Variants in RAB31 observed in about 807,000 individuals in gnomAD.
RAB31 encodes ras-related protein Rab-31.
A neutral mutation model predicts 25.6 loss-of-function variants in RAB31; 21 were observed. That is an observed-to-expected ratio of 0.82 (90% confidence interval 0.58 to 1.18). The LOEUF (loss-of-function observed/expected upper bound fraction) is 1.18. Among genes scored for constraint, RAB31 ranks in the 50% most tolerant of loss-of-function variants. The pLI is 0.00. For missense variants in RAB31, 196 were observed against 250.1 expected, an observed-to-expected ratio of 0.78 and a Z score of 1.46; for synonymous variants, 87 against 84.0, an observed-to-expected ratio of 1.04 and a Z score of -0.20.
chr18:9,842,311 C>T (rs2068738647), intron 5 of RAB31, among the ~76,000 whole-genome samples: 1 of 152,164 alleles, frequency 6.6e-6, no homozygotes, highest in Non-Finnish European at 1.5e-5. Context: ...GTGGTTGATT[C>T]CTCCAGCAAC....
intron 5 of RAB31, among the ~76,000 whole-genome samples, chr18:9,819,969 G>T (rs912357250): frequency 1.4e-4 from 22 of 151,860 alleles, no homozygotes; most frequent in African/African-American, 4.6e-4. Context: ...AAATTATCTG[G>T]AGTTTTCTAT....
At chr18:9,833,195 G>A (rs1429093700) in intron 5 of RAB31, among the ~76,000 whole-genome samples, 1 of 152,254 alleles carries the variant, frequency 6.6e-6, no homozygotes, top group Non-Finnish European at 1.5e-5. Context: ...CCGGATGGCT[G>A]CTGTATCCAC....
intron 1 of RAB31, among the ~76,000 whole-genome samples, chr18:9,743,646 G>A (rs932718876): frequency 2.0e-5 from 3 of 152,154 alleles, no homozygotes; most frequent in Non-Finnish European, 4.4e-5. Flanking sequence ...GCGTTCTCAG[G>A]CCACATGCAA....
At chr18:9,788,917 C>G (rs969131950) in intron 2 of RAB31, among the ~76,000 whole-genome samples, 2 of 152,188 alleles carry the variant, frequency 1.3e-5, no homozygotes, top group East Asian at 3.9e-4. Context: ...TTGCAGTGAG[C>G]TGAGACTGTG....
chr18:9,826,935 T>G (rs1168799148), intron 5 of RAB31, among the ~76,000 whole-genome samples: 1 of 152,108 alleles, frequency 6.6e-6, no homozygotes, highest in African/African-American at 2.4e-5. Context: ...CCCTCACACT[T>G]CCTCTGACAA....
rs550794962 is a variant in RAB31, at chr18:9,815,139, A to G, written c.297A>G (p.Lys99=). Residue 99 remains lysine, a synonymous_variant, in exon 5 of 7, where the codon AAA becomes AAG. Transcript: ENST00000578921. ...AGGATTCATTTTATACCTTGAAGAA[A>G]TGGGTCAAGGAGCTGAAAGAACATG... ...TKQDSFYTLK[K]WVKELKEHGP... is the part of the protein sequence containing the mutation. The G allele has an allele frequency of 1.3e-6, 2 of 1,553,460 alleles. No homozygotes were observed. The highest frequency in any genetic ancestry group is 1.4e-5 in the African/African-American group (1 of 73,400).
chr18:9,819,882 G>T (rs771111002), intron 5 of RAB31, among the ~76,000 whole-genome samples: 5 of 151,912 alleles, frequency 3.3e-5, no homozygotes, highest in Non-Finnish European at 5.9e-5. Flanking sequence ...GTGTAGAAAT[G>T]CAATTGACTT....
chr18:9,796,167 G>A (rs1043459877), intron 3 of RAB31, among the ~76,000 whole-genome samples: 2 of 152,130 alleles, frequency 1.3e-5, no homozygotes, highest in African/African-American at 4.8e-5. Flanking sequence ...TCATAAGTGG[G>A]AGCTAAGCTA....
At chr18:9,823,266 G>T (rs2068632663) in intron 5 of RAB31, among the ~76,000 whole-genome samples, 2 of 152,116 alleles carry the variant, frequency 1.3e-5, no homozygotes, top group Admixed American at 1.3e-4. Flanking sequence ...GGGGGACGGG[G>T]AGGAAAGTGG....
chr18:9,753,363 T>C (rs2068244959), intron 1 of RAB31, among the ~76,000 whole-genome samples: 1 of 152,138 alleles, frequency 6.6e-6, no homozygotes, highest in African/African-American at 2.4e-5. Flanking sequence ...TTAATGGCTT[T>C]ATAAGGGGAG....
intron 1 of RAB31, among the ~76,000 whole-genome samples, chr18:9,758,446 C>T (rs776283157): frequency 2.0e-5 from 3 of 151,964 alleles, no homozygotes; most frequent in Non-Finnish European, 4.4e-5. Context: ...CTTGTGTTCT[C>T]CTCCCCCCTC....
At chr18:9,840,803 G>A (rs1018255408) in intron 5 of RAB31, among the ~76,000 whole-genome samples, 12 of 152,154 alleles carry the variant, frequency 7.9e-5, no homozygotes, top group Admixed American at 7.9e-4. Context: ...CAAATTTGGG[G>A]TCTCCTATGA....
intron 3 of RAB31, among the ~76,000 whole-genome samples, chr18:9,811,563 C>T (rs993639449): frequency 6.6e-6 from 1 of 152,304 alleles, no homozygotes; most frequent in Non-Finnish European, 1.5e-5. Context: ...AAAACAGCTG[C>T]TTTGTTCAAA....
intron 3 of RAB31, among the ~76,000 whole-genome samples, chr18:9,807,291 T>G (rs1445506405): frequency 6.6e-6 from 1 of 152,206 alleles, no homozygotes; most frequent in East Asian, 1.9e-4. Flanking sequence ...CACAGTGGGC[T>G]CTTGTCTTGA....
intron 1 of RAB31, among the ~76,000 whole-genome samples, chr18:9,740,298 A>G (rs1360723095): frequency 6.6e-6 from 1 of 152,254 alleles, no homozygotes; most frequent in East Asian, 1.9e-4. Context: ...GAAATCATCT[A>G]CTTACCTAAC....
intron 1 of RAB31, among the ~76,000 whole-genome samples, chr18:9,769,494 T>C (rs2068333279): frequency 6.6e-6 from 1 of 152,198 alleles, no homozygotes; most frequent in Admixed American, 6.5e-5. Flanking sequence ...TGGCTCTCTA[T>C]TATTGGTGTA....
chr18:9,753,860 C>T (rs142422145), intron 1 of RAB31, among the ~76,000 whole-genome samples: 89 of 152,262 alleles, frequency 5.8e-4, no homozygotes, highest in Non-Finnish European at 9.7e-4. Context: ...TTGTGCTCTA[C>T]GAGCTGTAAT....
chr18:9,711,340 A>G (rs1222430168), intron 1 of RAB31, among the ~76,000 whole-genome samples: 1 of 151,784 alleles, frequency 6.6e-6, no homozygotes, highest in Non-Finnish European at 1.5e-5. Context: ...GACCCTGTGG[A>G]TCAGTCAGTG....
At chr18:9,728,150 TAA>T (rs2068104492) in intron 1 of RAB31, among the ~76,000 whole-genome samples, 1 of 152,232 alleles carries the variant, frequency 6.6e-6, no homozygotes, top group African/African-American at 2.4e-5. Context: ...CTTTTTCCTC[TAA>T]AGGTAAACCT....
Sources: gnomAD v4.1 joint callset for allele counts (sites outside exome capture counted in the v4.1 genomes callset) on GRCh38, gnomAD v4.1.1 for gene constraint, MANE v1.5 for transcripts, NCBI Gene and HGNC (gene_info 2026-07-23, HGNC 2026-07-21) for gene names.